OSBPL1A: variants seen among roughly 807,000 people sequenced by gnomAD.
The protein encoded by OSBPL1A is oxysterol binding protein like 1A.
In OSBPL1A, 80 loss-of-function variants were observed where a neutral mutation model predicts 137.1. The ratio of observed to expected loss-of-function variants is 0.58; its 90% CI spans 0.49 to 0.70. The LOEUF (loss-of-function observed/expected upper bound fraction) is 0.70, where lower values mean the gene tolerates loss of function less well. OSBPL1A is among the 30% of genes least tolerant of loss of function. The probability of loss-of-function intolerance (pLI) is 0.00; values close to 1 mark genes in which losing one functional copy is unlikely to be tolerated. For synonymous variants in OSBPL1A, 365 were observed against 389.7 expected, an observed-to-expected ratio of 0.94 and a Z score of 0.75; for missense variants, 970 against 1,129.4, an observed-to-expected ratio of 0.86 and a Z score of 2.02.
Position 24,229,019 on chromosome 18 carries a change from G to A in OSBPL1A, c.1445-3821C>T, listed in dbSNP as rs565697617. ...AGTTCAAGACCAGACTGGCCAACAT[G>A]ATGAAACCCTATCTCTACCAAAAAT... On this transcript the variant is annotated intron_variant, in intron 16 of 27. Coordinates refer to ENST00000319481, the MANE Select transcript of OSBPL1A (RefSeq NM_080597.4). Among the ~76,000 whole-genome samples, 3 of 152,228 alleles carry A rather than the reference G, an allele frequency of 2.0e-5. No homozygotes were observed. The East Asian group carries it at 5.8e-4, about 29-fold the overall frequency.
At chr18:24,180,195 C>T (rs556625707) in intron 19 of OSBPL1A, among the ~76,000 whole-genome samples, 4 of 152,138 alleles carry the variant, frequency 2.6e-5, no homozygotes, top group Non-Finnish European at 5.9e-5. Context: ...TAAAACTCCA[C>T]AACTTAATTG....
At chr18:24,365,109 G>A (rs943023683) in intron 4 of OSBPL1A, among the ~76,000 whole-genome samples, 5 of 149,240 alleles carry the variant, frequency 3.4e-5, no homozygotes, top group African/African-American at 1.2e-4. Context: ...GCAATACAAT[G>A]CAAAAAGATA....
intron 14 of OSBPL1A, among the ~76,000 whole-genome samples, chr18:24,292,536 G>C (rs1383820619): frequency 1.3e-5 from 2 of 152,140 alleles, no homozygotes; most frequent in African/African-American, 4.8e-5. Flanking sequence ...GAGAGAAAGA[G>C]AGACGGCGAG....
chr18:24,265,770 G>C (rs1475362790), intron 15 of OSBPL1A, among the ~76,000 whole-genome samples: 1 of 152,104 alleles, frequency 6.6e-6, no homozygotes, highest in Non-Finnish European at 1.5e-5. Flanking sequence ...GTCCATGTCT[G>C]CAGCCTGGGT....
Position 24,239,571 on chromosome 18 carries a change from T to C in OSBPL1A, c.1282-189A>G, listed in dbSNP as rs72884818. 9.5e-3 allele frequency among the ~76,000 whole-genome samples: 1,440 copies of C among 152,270 alleles called. 18 individuals carry two copies. The highest frequency in any genetic ancestry group is 0.017 in the Admixed American group (256 of 15,286). On this transcript the variant is annotated intron_variant, in intron 15 of 27. Coordinates refer to ENST00000319481, the MANE Select transcript of OSBPL1A (RefSeq NM_080597.4). The stretch of plus-strand genomic sequence containing the variant: ...TAATTTTGTTCTTCCCATGGGGCCT[T>C]TTCTGGCAACAGCTTAGCTAATGAA...
intron 15 of OSBPL1A, among the ~76,000 whole-genome samples, chr18:24,260,622 C>T (rs532932474): frequency 1.5e-4 from 23 of 152,176 alleles, no homozygotes; most frequent in South Asian, 6.2e-4. Flanking sequence ...GAAGCAGATT[C>T]GTGGTTTTCA....
chr18:24,325,075 G>T (rs985133821), intron 7 of OSBPL1A, among the ~76,000 whole-genome samples: 10 of 150,786 alleles, frequency 6.6e-5, no homozygotes, highest in African/African-American at 9.8e-5. Context: ...GACAGAGCGA[G>T]ACTCAGTATC....
intron 14 of OSBPL1A, among the ~76,000 whole-genome samples, chr18:24,293,125 A>AAAAAAAAAAAAAAAG (rs200624581): frequency 0.013 from 1,087 of 81,572 alleles, 57 homozygotes; most frequent in Non-Finnish European, 0.022. Context: ...AAAAAAAAAA[A>AAAAAAAAAAAAAAAG]AAAGAAAAGA....
rs547148374 is a variant in OSBPL1A, at chr18:24,275,662, A to G, written c.1281+5180T>C. ...TCCAAAGAAGCAGTACAGAATTCCA[A>G]CCCTTCAGACGGTTCCAATGTAGGG... On this transcript the variant is annotated intron_variant, in intron 15 of 27. Transcript: ENST00000319481. Among the ~76,000 whole-genome samples, 63 of 152,080 alleles carry G rather than the reference A, an allele frequency of 4.1e-4. No individual in the cohort carries two copies. The South Asian group carries it at 6.5e-3, about 16-fold the overall frequency.
chr18:24,244,330 C>T (rs968646005), intron 15 of OSBPL1A, among the ~76,000 whole-genome samples: 1 of 152,170 alleles, frequency 6.6e-6, no homozygotes, highest in African/African-American at 2.4e-5. Context: ...AAATAACTTC[C>T]TTCACAGAAC....
At position 24,387,694 on chromosome 18, in the gene OSBPL1A, A is replaced by G. The variant is rs979859219; in HGVS notation, c.-3+9961T>C. On this transcript the variant is annotated intron_variant, in intron 1 of 27. Coordinates refer to ENST00000319481, the MANE Select transcript of OSBPL1A (RefSeq NM_080597.4). ...CTCTCAAAGCACTGGGATTACAGGCATGCGCCACTGCACCCAGCCCACAAT... is the reference window on the plus strand; with the variant it reads ...CTCTCAAAGCACTGGGATTACAGGCGTGCGCCACTGCACCCAGCCCACAAT... Among the ~76,000 whole-genome samples, 8 of 152,124 alleles carry G rather than the reference A, an allele frequency of 5.3e-5. No individual in the cohort carries two copies. In the East Asian group the frequency reaches 1.5e-3, roughly 29 times the overall value.
In OSBPL1A at chr18:24,163,131, T is replaced by C; in HGVS notation, c.*48A>G. On this transcript the variant is annotated 3_prime_UTR_variant, in exon 28 of 28. Transcript: ENST00000319481. The stretch of plus-strand genomic sequence containing the variant: ...AGGGAAAAAAATTTAAAAACATAGG[T>C]TTAAGACTTATTTGTAGATTAGCCA... The C allele has an allele frequency of 1.4e-6, 2 of 1,418,104 alleles. No individual in the cohort carries two copies. Among genetic ancestry groups the C allele is most frequent in the Non-Finnish European group, 2.0e-6 (2 of 1,018,152 alleles). 87.8% of individuals were successfully genotyped at this position (1,418,104 alleles called of 1,614,324 possible).
At chr18:24,213,892 G>A (rs1349861625) in intron 17 of OSBPL1A, among the ~76,000 whole-genome samples, 3 of 152,132 alleles carry the variant, frequency 2.0e-5, no homozygotes, top group Non-Finnish European at 2.9e-5. Context: ...TTATTTCTCA[G>A]TTTATCACCA....
chr18:24,293,405 G>A (rs113622571), intron 14 of OSBPL1A, among the ~76,000 whole-genome samples: 2 of 152,122 alleles, frequency 1.3e-5, no homozygotes, highest in African/African-American at 2.4e-5. Flanking sequence ...TTCCTCTCCC[G>A]TCCCTCCGCA....
intron 4 of OSBPL1A, 136 bp from the exon 5 acceptor site, chr18:24,341,794 A>G: frequency 1.9e-6 from 1 of 515,518 alleles, no homozygotes; most frequent in Non-Finnish European, 3.4e-6. Flanking sequence ...CGTTATGTCT[A>G]TAATAAATGA....
chr18:24,225,000 T>C (rs748294075), intron 17 of OSBPL1A, 42 bp downstream of exon 17: 3 of 1,609,682 alleles, frequency 1.9e-6, no homozygotes, highest in South Asian at 1.1e-5. Context: ...ATGTACTTTA[T>C]CGTAAAAACG....
chr18:24,327,571 G>A (rs933356880), intron 7 of OSBPL1A, among the ~76,000 whole-genome samples: 1 of 151,952 alleles, frequency 6.6e-6, no homozygotes, highest in African/African-American at 2.4e-5. Context: ...CACCACACCC[G>A]GCTAATTTTT....
At chr18:24,231,360 T>C (rs1440282627) in intron 16 of OSBPL1A, among the ~76,000 whole-genome samples, 1 of 152,198 alleles carries the variant, frequency 6.6e-6, no homozygotes, top group Non-Finnish European at 1.5e-5. Flanking sequence ...TGGCGTGATC[T>C]CAGTTCACTG....
chr18:24,313,840 G>A (rs992353736), intron 12 of OSBPL1A, among the ~76,000 whole-genome samples: 3 of 152,222 alleles, frequency 2.0e-5, no homozygotes, highest in South Asian at 2.1e-4. Flanking sequence ...AGTGGCTCAT[G>A]CCTGTAATCC....
Sources: allele counts gnomAD v4.1 joint callset (sites outside exome capture counted in the v4.1 genomes callset), GRCh38; gene constraint gnomAD v4.1.1; transcripts MANE v1.5; gene names NCBI Gene and HGNC (gene_info 2026-07-23, HGNC 2026-07-21).